HEATR1: variants seen among roughly 807,000 people sequenced by gnomAD.
HEATR1 encodes the protein HEAT repeat containing 1, also known as HEAT repeat-containing protein 1.
A neutral mutation model predicts 248.2 loss-of-function variants in HEATR1; 77 were observed. The observed-to-expected ratio is 0.31, with a 90% CI of 0.26 to 0.37. The LOEUF (loss-of-function observed/expected upper bound fraction) is 0.37, where lower values mean the gene tolerates loss of function less well. Ranked by LOEUF, HEATR1 falls within the 10% of genes least tolerant of loss-of-function variation. HEATR1 has a pLI of 1.00. For missense variants in HEATR1, 2,420 were observed against 2,504.9 expected (o/e 0.97, Z 0.72); for synonymous variants, 897 against 923.1 (o/e 0.97, Z 0.51).
At chr1:236,569,634 CA>C (rs1663368616) in intron 28 of HEATR1, among the ~76,000 whole-genome samples, 1 of 152,108 alleles carries the variant, frequency 6.6e-6, no homozygotes, top group African/African-American at 2.4e-5. Context: ...AAGACAGTAA[CA>C]AGTACTGGCA....
intron 6 of HEATR1, among the ~76,000 whole-genome samples, chr1:236,596,270 C>A (rs755589959): frequency 6.6e-6 from 1 of 152,176 alleles, no homozygotes; most frequent in East Asian, 1.9e-4. Flanking sequence ...AATTTCCCAA[C>A]TCAAACATCT....
intron 29 of HEATR1, among the ~76,000 whole-genome samples, chr1:236,568,366 G>A (rs755271642): frequency 3.3e-5 from 5 of 152,218 alleles, no homozygotes; most frequent in Admixed American, 6.5e-5. Context: ...AAAAGAAGGT[G>A]CTGAATATGG....
chr1:236,551,044 C>T (rs543643713), intron 44 of HEATR1, 54 bp from the exon 45 acceptor site: 164 of 1,359,984 alleles, frequency 1.2e-4, no homozygotes, highest in East Asian at 4.1e-4. Context: ...CCGCCTGCCT[C>T]GGTTCTCATT....
chr1:236,558,189 T>C lies in HEATR1; in HGVS notation c.5204+48A>G, dbSNP rs756568948. The C allele has an allele frequency of 4.6e-6, 7 of 1,528,556 alleles. No homozygotes were observed. The Admixed American group carries it at 6.6e-5, about 15-fold the overall frequency. 94.7% of individuals were successfully genotyped at this position (1,528,556 alleles called of 1,614,324 possible). A position where few individuals can be genotyped will look rare whatever the true frequency, so the allele number is the denominator to read the frequency against. On this transcript the variant is annotated intron_variant, in intron 36 of 44. Coordinates refer to ENST00000366582, the MANE Select transcript of HEATR1 (RefSeq NM_018072.6). Reference sequence around the variant, plus strand: ...AAGTCACCAAAGTGTTATTTTTCAATGTGTGCCAGGCGGTAACAGCTCCTG... The same window carrying C: ...AAGTCACCAAAGTGTTATTTTTCAACGTGTGCCAGGCGGTAACAGCTCCTG...
Position 236,558,424 on chromosome 1 carries a change from T to A in HEATR1, c.5017A>T (p.Thr1673Ser), listed in dbSNP as rs776644219. Residue 1673 changes from threonine to serine, a missense_variant, in exon 36 of 45, where the codon ACC (threonine) becomes TCC (serine). Transcript: ENST00000366582. ...AAATTCTTGCATAAAAGCTTTAAGG[T>A]ATACAACGCTGTCTGTCTGTTGATT... is the stretch of plus-strand genomic sequence containing the variant. ...QAINRQTALY[T>S]LKLLCKNFGA... 9.9e-6 allele frequency: 16 copies of A among 1,614,092 alleles called. No individual in the cohort carries two copies. The Admixed American group carries it at 2.5e-4, about 25-fold the overall frequency.
chr1:236,551,818 A>G (rs1285781569), intron 44 of HEATR1, 181 bp downstream of exon 44: 1 of 560,286 alleles, frequency 1.8e-6, no homozygotes, highest in Non-Finnish European at 3.2e-6. Context: ...TGCTCCCTCC[A>G]CCCAACTCAA....
At position 236,590,856 on chromosome 1, in the gene HEATR1, T is replaced by C; in HGVS notation, c.1521A>G (p.Lys507=). The part of the protein sequence containing the change: ...LAMNHLKKIM[K]TSKEGVDESF... ...GCGATCTGAAACAAACCTTTGATGTTTTCATGATCTTTTTCAAATGATTCA... is the reference window on the plus strand; with the variant it reads ...GCGATCTGAAACAAACCTTTGATGTCTTCATGATCTTTTTCAAATGATTCA... The change falls in exon 12 of 45, where the codon AAA becomes AAG. Residue 507 remains lysine (K), a synonymous_variant. Transcript: ENST00000366582. The C allele has an allele frequency of 6.8e-7, 1 of 1,478,082 alleles. No homozygotes were observed. Among genetic ancestry groups the C allele is most frequent in the Non-Finnish European group, 9.1e-7 (1 of 1,100,840 alleles). 91.6% of individuals were successfully genotyped at this position (1,478,082 alleles called of 1,614,324 possible). A position where few individuals can be genotyped will look rare whatever the true frequency, so the allele number is the denominator to read the frequency against.
Position 236,553,493 on chromosome 1 carries a change from A to AG in HEATR1, c.6237+87dup, listed in dbSNP as rs377240914. On this transcript the variant is annotated intron_variant, in intron 43 of 44. Coordinates refer to ENST00000366582, the MANE Select transcript of HEATR1 (RefSeq NM_018072.6). ...CAATGTTCTTCCCTGCCAGTTTACT[A>AG]GGGGGCCTACATCTGTGACCACCTG... 738 of 1,282,030 alleles carry AG rather than the reference A, an allele frequency of 5.8e-4. 1 individual carries two copies. The African/African-American group carries it at 8.6e-3, about 15-fold the overall frequency. The allele number at this position is 1,282,030 out of a possible 1,614,324, so 79.4% of individuals were successfully genotyped here.
At chr1:236,553,884 C>A in intron 42 of HEATR1, 145 bp from the exon 43 acceptor site, 1 of 776,710 alleles carries the variant, frequency 1.3e-6, no homozygotes. Flanking sequence ...CTCTCTAGGG[C>A]AAATGTATTG....
In HEATR1 at chr1:236,583,177, T is replaced by A. The variant is rs773856156; in HGVS notation, c.2261A>T (p.His754Leu). Residue 754 changes from histidine to leucine, a missense_variant, in exon 18 of 45, where the codon CAC becomes CTC. Coordinates refer to ENST00000366582, the MANE Select transcript of HEATR1 (RefSeq NM_018072.6). ...CCCTCTGTCTAACATCAGTTCAATG[T>A]GCCATTCTGAGGGGATTTCCTGAAA... Reference protein sequence around the residue: ...ITAVEIPSEWHIELMLDRGIP... With the variant: ...ITAVEIPSEWLIELMLDRGIP... 1.1e-5 allele frequency: 18 copies of A among 1,601,738 alleles called. No individual in the cohort carries two copies. Among genetic ancestry groups the A allele is most frequent in the Non-Finnish European group, 1.2e-5 (14 of 1,175,366 alleles).
At chr1:236,556,892 G>GCT (rs1459402759) in intron 37 of HEATR1, among the ~76,000 whole-genome samples, 2 of 152,070 alleles carry the variant, frequency 1.3e-5, no homozygotes, top group Non-Finnish European at 2.9e-5. Context: ...ATAAAAGGCG[G>GCT]CTCTACCAGC....
intron 6 of HEATR1, 45 bp downstream of exon 6, chr1:236,596,791 C>A: frequency 2.0e-6 from 3 of 1,507,494 alleles, no homozygotes; most frequent in South Asian, 1.3e-5. Context: ...CAAGAAAATT[C>A]CTTTAAGTAC....
At position 236,604,081 on chromosome 1, in the gene HEATR1, G is replaced by C. The variant is rs1274338811; in HGVS notation, c.15C>G (p.Ala5=). Residue 5 remains alanine, a synonymous_variant, in exon 2 of 45, where the codon GCC becomes GCG. Coordinates refer to ENST00000366582, the MANE Select transcript of HEATR1 (RefSeq NM_018072.6). ...GGAGGGCGAGTCGTTGCAGCTGCTG[G>C]GCTAAGGACGTCATCTTTCACGCCA... is the stretch of plus-strand genomic sequence containing the variant. The part of the protein sequence containing the change: MTSL[A]QQLQRLALPQ... 3 of 1,566,492 alleles carry C rather than the reference G, an allele frequency of 1.9e-6. No individual in the cohort carries two copies. In the Admixed American group the frequency reaches 6.6e-5, roughly 34 times the overall value.
rs758407123 is a variant in HEATR1, at chr1:236,571,345, G to A, written c.3948+6C>T. On this transcript the variant is annotated splice_donor_region_variant and intron_variant, in intron 28 of 44. Transcript: ENST00000366582. Reference sequence around the variant, plus strand: ...TCTGCTAAAATCTTATATCATTAACGCTTACCGGAAATATTCCAGCAACAG... The same window carrying A: ...TCTGCTAAAATCTTATATCATTAACACTTACCGGAAATATTCCAGCAACAG... 20 of 1,588,382 alleles carry A rather than the reference G, an allele frequency of 1.3e-5. No homozygotes were observed. The highest frequency in any genetic ancestry group is 9.3e-5 in the South Asian group (8 of 85,854).
At chr1:236,591,638 T>G (rs1044873017) in intron 11 of HEATR1, among the ~76,000 whole-genome samples, 4 of 152,136 alleles carry the variant, frequency 2.6e-5, no homozygotes, top group Non-Finnish European at 5.9e-5. Flanking sequence ...TAAATAGCCA[T>G]CTGTGGCTGG....
intron 21 of HEATR1, 96 bp from the exon 22 acceptor site, chr1:236,576,473 C>G (rs950386667): frequency 6.5e-6 from 6 of 919,312 alleles, no homozygotes; most frequent in Non-Finnish European, 9.5e-6. Context: ...AATGATGTGA[C>G]ATTGTTTATA....
chr1:236,583,034 C>T lies in HEATR1; in HGVS notation c.2404G>A (p.Ala802Thr). 1.2e-6 allele frequency: 2 copies of T among 1,613,994 alleles called. No homozygotes were observed. Among genetic ancestry groups the T allele is most frequent in the Non-Finnish European group, 1.7e-6 (2 of 1,179,976 alleles). ...SLKKFIYALK[A>T]PKSFPKGDIW... is the part of the protein sequence containing the mutation. ...TTACCTTTAGGAAAAGATTTAGGAG[C>T]TTTCAGTGCATAAATAAATTTTTTC... Residue 802 changes from alanine (A) to threonine (T), a missense_variant, in exon 18 of 45, where the codon GCT (alanine) becomes ACT (threonine). Transcript: ENST00000366582.
At chr1:236,551,924 A>C in intron 44 of HEATR1, 75 bp downstream of exon 44, 1 of 960,986 alleles carries the variant, frequency 1.0e-6, no homozygotes, top group Admixed American at 1.8e-5. Flanking sequence ...CTGCATTATC[A>C]TTGGGCACAT....
intron 42 of HEATR1, 78 bp downstream of exon 42, chr1:236,554,520 A>G: frequency 1.6e-6 from 2 of 1,281,428 alleles, no homozygotes; most frequent in South Asian, 2.8e-5. Flanking sequence ...GCAAGCTGTC[A>G]TTTGAGCAGA....
Sources: allele counts gnomAD v4.1 joint callset (sites outside exome capture counted in the v4.1 genomes callset), GRCh38; gene constraint gnomAD v4.1.1; transcripts MANE v1.5; gene names NCBI Gene and HGNC (gene_info 2026-07-23, HGNC 2026-07-21).